The following GPR19 variants were observed in gnomAD, a reference collection of about 807,000 sequenced individuals.
The protein encoded by GPR19 is probable G protein-coupled receptor 19.
A neutral mutation model predicts 28.5 loss-of-function variants in GPR19; 14 were observed. The observed-to-expected ratio is 0.49, with a 90% CI of 0.32 to 0.77. The LOEUF (loss-of-function observed/expected upper bound fraction) is 0.77, where lower values mean the gene tolerates loss of function less well. Ranked by LOEUF, GPR19 falls within the 30% of genes least tolerant of loss-of-function variation. GPR19 has a pLI of 0.03. For synonymous variants in GPR19, 173 were observed against 184.1 expected, an observed-to-expected ratio of 0.94 and a Z score of 0.49; for missense variants, 409 against 504.1, an observed-to-expected ratio of 0.81 and a Z score of 1.81.
At chr12:12,694,188 C>CTTTTT (rs147543699) in intron 2 of GPR19, among the ~76,000 whole-genome samples, 2 of 43,850 alleles carry the variant, frequency 4.6e-5, no homozygotes, top group African/African-American at 1.8e-4. Flanking sequence ...GAGTACCTGT[C>CTTTTT]TTTTTTTTTT....
At chr12:12,713,363 C>A in the GPR19 span, among the ~76,000 whole-genome samples, 1 of 152,008 alleles carries the variant, frequency 6.6e-6, no homozygotes, top group Non-Finnish European at 1.5e-5. Flanking sequence ...CGTGCCCAGC[C>A]CTGATGCTCC....
the GPR19 span, chr12:12,716,940 C>CG: frequency 1.1e-5 from 11 of 985,230 alleles, no homozygotes; most frequent in Non-Finnish European, 1.3e-5. Context: ...CTCGCCACCC[C>CG]GGCTCCTAGC....
intron 3 of GPR19, 137 bp from the exon 4 acceptor site, chr12:12,662,607 A>G: frequency 1.3e-6 from 1 of 741,720 alleles, no homozygotes; most frequent in Admixed American, 2.9e-5. Context: ...GAGCGTTGGC[A>G]GGAAAACATA....
chr12:12,661,418 G>A lies in GPR19; in HGVS notation c.1031C>T (p.Thr344Ile), dbSNP rs768176534. 6.2e-7 allele frequency: 1 copy of A among 1,612,852 alleles called. No individual in the cohort carries two copies. The highest frequency in any genetic ancestry group is 8.5e-7 in the Non-Finnish European group (1 of 1,178,836). The change falls in exon 4 of 4, where the codon ACT becomes ATT. Residue 344 changes from threonine (T) to isoleucine (I), a missense_variant. Transcript: ENST00000651487. This position sits in a 1 kb window ranked among gnomAD's most constrained non-coding sequence, Gnocchi z 4.2. ...ACATTTCATAGAGGACATGCAAAAAGTCTCTTTCATCCCTCTCCGAAAATT... is the reference window on the plus strand; with the variant it reads ...ACATTTCATAGAGGACATGCAAAAAATCTCTTTCATCCCTCTCCGAAAATT... ...NANFRRGMKE[T>I]FCMSSMKCYR...
intron 2 of GPR19, among the ~76,000 whole-genome samples, chr12:12,689,415 A>G (rs1239451379): frequency 6.6e-6 from 1 of 152,166 alleles, no homozygotes; most frequent in Admixed American, 6.5e-5. Context: ...TGCCACAAGG[A>G]TATGTAATTA....
intron 3 of GPR19, among the ~76,000 whole-genome samples, chr12:12,682,345 CA>C (rs781457523): frequency 6.6e-6 from 1 of 152,166 alleles, no homozygotes. Flanking sequence ...TGACTGTTGC[CA>C]AGTTCTTACT....
chr12:12,675,201 A>G (rs1945912571), intron 3 of GPR19, among the ~76,000 whole-genome samples: 1 of 152,180 alleles, frequency 6.6e-6, no homozygotes, highest in African/African-American at 2.4e-5. Flanking sequence ...TTTATAGACA[A>G]AAGAACCTAA....
rs545192846 is a variant in GPR19, at chr12:12,664,232, C to T, written c.-22-1762G>A. Among the ~76,000 whole-genome samples the T allele has an allele frequency of 1.1e-3, 170 of 152,238 alleles. 1 individual carries two copies. Among genetic ancestry groups the T allele is most frequent in the African/African-American group, 4.0e-3 (165 of 41,526 alleles). On this transcript the variant is annotated intron_variant, in intron 3 of 3. Transcript: ENST00000651487. The stretch of plus-strand genomic sequence containing the variant: ...CTTGAACTCCTGACCTCAAGTGATT[C>T]GCCCGCCTTGGCCTCCCAAAGTGCT...
intron 3 of GPR19, among the ~76,000 whole-genome samples, chr12:12,683,169 A>G (rs1256230875): frequency 6.6e-6 from 1 of 152,196 alleles, no homozygotes; most frequent in African/African-American, 2.4e-5. Context: ...ATTGGTCACC[A>G]TAGTAACATA....
At chr12:12,687,883 A>G (rs878977043) in intron 2 of GPR19, among the ~76,000 whole-genome samples, 2 of 152,204 alleles carry the variant, frequency 1.3e-5, no homozygotes, top group Non-Finnish European at 2.9e-5. Flanking sequence ...GCTTGCACCC[A>G]GGAGGTTGAG....
intron 2 of GPR19, among the ~76,000 whole-genome samples, chr12:12,689,256 C>T (rs1297649838): frequency 6.6e-6 from 1 of 152,160 alleles, no homozygotes; most frequent in Non-Finnish European, 1.5e-5. Context: ...CCAGGCCCCA[C>T]GTCCAATACC....
chr12:12,686,845 C>T (rs1297095292), intron 2 of GPR19, among the ~76,000 whole-genome samples: 1 of 152,082 alleles, frequency 6.6e-6, no homozygotes, highest in Non-Finnish European at 1.5e-5. Context: ...AAAAAAATGA[C>T]CAACATATTT....
At chr12:12,665,819 CAAAAAAAAAAAAAA>C (rs528302150) in intron 3 of GPR19, among the ~76,000 whole-genome samples, 35 of 75,740 alleles carry the variant, frequency 4.6e-4, no homozygotes, top group Admixed American at 7.0e-4. Flanking sequence ...GACTCCGTCT[CAAAAAAAAAAAAAA>C]AAAAAAAAAA....
upstream of GPR19, among the ~76,000 whole-genome samples, chr12:12,699,779 C>A (rs1386012463): frequency 6.6e-6 from 1 of 152,188 alleles, no homozygotes; most frequent in East Asian, 1.9e-4. Flanking sequence ...TTGCCTCCAT[C>A]TACTGGCATG....
chr12:12,662,844 C>T (rs1945700628), intron 3 of GPR19, among the ~76,000 whole-genome samples: 2 of 152,230 alleles, frequency 1.3e-5, no homozygotes, highest in African/African-American at 4.8e-5. Context: ...TGAAGATCTG[C>T]TGGAATTCTG....
the GPR19 span, among the ~76,000 whole-genome samples, chr12:12,712,579 T>A: frequency 6.6e-6 from 1 of 152,250 alleles, no homozygotes; most frequent in Non-Finnish European, 1.5e-5. Context: ...TTCTTCAAGA[T>A]CTGACTCATA....
In GPR19 at chr12:12,661,790, C is replaced by T; in HGVS notation, c.659G>A (p.Gly220Asp). 1.2e-6 allele frequency: 2 copies of T among 1,613,926 alleles called. No individual in the cohort carries two copies. The highest frequency in any genetic ancestry group is 1.1e-5 in the South Asian group (1 of 91,062). Residue 220 changes from glycine (G) to aspartate (D), a missense_variant, in exon 4 of 4, where the codon GGC (glycine) becomes GAC (aspartate). Gly to Asp is a moderately conservative substitution (Grantham distance 94). Transcript: ENST00000651487. The surrounding 1 kb of genome is among the most constrained non-coding windows in gnomAD (Gnocchi z 4.2). ...GAAGTGGATGACAGTGTAGGCAGTG[C>T]CTTCCCAAGAGGAGGGGAGGAAATA... Reference protein sequence around the residue: ...CNYFLPSSWEGTAYTVIHFLV... With the variant: ...CNYFLPSSWEDTAYTVIHFLV...
At chr12:12,693,295 C>T (rs1476359152) in intron 2 of GPR19, among the ~76,000 whole-genome samples, 1 of 152,156 alleles carries the variant, frequency 6.6e-6, no homozygotes, top group Non-Finnish European at 1.5e-5. Context: ...TTATCAATGC[C>T]CTGCTGCACA....
the GPR19 span, chr12:12,716,900 G>A: frequency 1.2e-5 from 12 of 984,918 alleles, no homozygotes; most frequent in Non-Finnish European, 1.4e-5. Flanking sequence ...ACGAGGTGGG[G>A]GCCGCTGGGG....
Sources: gnomAD v4.1 joint callset for allele counts (sites outside exome capture counted in the v4.1 genomes callset) on GRCh38, gnomAD v4.1.1 for gene constraint, Gnocchi (gnomAD v3.1) non-coding constraint, MANE v1.5 for transcripts, NCBI Gene and HGNC (gene_info 2026-07-23, HGNC 2026-07-21) for gene names.